The following CERS6 variants were observed in gnomAD, a reference collection of about 807,000 sequenced individuals.
The protein encoded by CERS6 is ceramide synthase 6.
In CERS6, 26 loss-of-function variants were observed where a neutral mutation model predicts 56.8. That is an observed-to-expected ratio of 0.46 (90% confidence interval 0.34 to 0.63). The LOEUF (loss-of-function observed/expected upper bound fraction) is 0.63. CERS6 is among the 30% of genes least tolerant of loss of function. The pLI, the probability that CERS6 is intolerant of heterozygous loss-of-function variation, is 0.01. For missense variants in CERS6, 415 were observed against 467.5 expected (o/e 0.89, Z 1.04); for synonymous variants, 164 against 173.3 (o/e 0.95, Z 0.42).
chr2:168,541,221 G>T (rs553179673), intron 1 of CERS6, among the ~76,000 whole-genome samples: 10 of 152,254 alleles, frequency 6.6e-5, no homozygotes, highest in Non-Finnish European at 1.5e-4. Flanking sequence ...TCCATGACCC[G>T]AACACCTTCC....
At chr2:168,610,337 G>A (rs887990402) in intron 3 of CERS6, among the ~76,000 whole-genome samples, 1 of 152,046 alleles carries the variant, frequency 6.6e-6, no homozygotes, top group Non-Finnish European at 1.5e-5. Flanking sequence ...CCCATCCATC[G>A]GGAAGCAGCT....
intron 1 of CERS6, among the ~76,000 whole-genome samples, chr2:168,496,031 C>G (rs1259877338): frequency 6.6e-6 from 1 of 152,238 alleles, no homozygotes; most frequent in Non-Finnish European, 1.5e-5. Context: ...TTGGTCCCCA[C>G]TGCAACCTTG....
intron 3 of CERS6, among the ~76,000 whole-genome samples, chr2:168,563,894 G>C (rs1558999952): frequency 6.6e-6 from 1 of 152,192 alleles, no homozygotes. Flanking sequence ...GGGTGCACGG[G>C]GGGTTTGCTG....
At chr2:168,538,121 G>C (rs762590249) in intron 1 of CERS6, among the ~76,000 whole-genome samples, 1 of 151,168 alleles carries the variant, frequency 6.6e-6, no homozygotes, top group Non-Finnish European at 1.5e-5. Flanking sequence ...GTCCATCCTT[G>C]TTTTCCCCTT....
chr2:168,575,128 C>T (rs923515629), intron 3 of CERS6, among the ~76,000 whole-genome samples: 1 of 152,182 alleles, frequency 6.6e-6, no homozygotes, highest in Non-Finnish European at 1.5e-5. Flanking sequence ...CACTAACCAG[C>T]CTCCTCAGCC....
At chr2:168,644,276 G>T (rs1685120211) in intron 4 of CERS6, 8 of 974,374 alleles carry the variant, frequency 8.2e-6, no homozygotes, top group Non-Finnish European at 9.8e-6. Flanking sequence ...GGAAGCTTCA[G>T]CTCAGGAAGA....
At chr2:168,618,730 A>T (rs74979973) in intron 3 of CERS6, among the ~76,000 whole-genome samples, 1 of 152,238 alleles carries the variant, frequency 6.6e-6, no homozygotes, top group Non-Finnish European at 1.5e-5. Context: ...TAAATCATAG[A>T]TGACATAAGC....
At chr2:168,753,732 G>T (rs1464070476) in intron 8 of CERS6, among the ~76,000 whole-genome samples, 1 of 152,160 alleles carries the variant, frequency 6.6e-6, no homozygotes, top group African/African-American at 2.4e-5. Context: ...AGATAAAAGT[G>T]AAGACTTAAT....
At chr2:168,742,139 T>C (rs910149617) in intron 8 of CERS6, among the ~76,000 whole-genome samples, 1 of 152,264 alleles carries the variant, frequency 6.6e-6, no homozygotes, top group Non-Finnish European at 1.5e-5. Context: ...TGTTATGTTG[T>C]TCACTTTAAA....
intron 3 of CERS6, among the ~76,000 whole-genome samples, chr2:168,592,208 C>T (rs968903954): frequency 6.6e-6 from 1 of 152,136 alleles, no homozygotes; most frequent in Non-Finnish European, 1.5e-5. Context: ...GATATGTGAG[C>T]TTAGTGGAGG....
intron 1 of CERS6, among the ~76,000 whole-genome samples, chr2:168,504,131 G>A (rs1694634055): frequency 6.6e-6 from 1 of 152,222 alleles, no homozygotes; most frequent in East Asian, 1.9e-4. Context: ...AATCATCAGG[G>A]TGGGCGTGGT....
chr2:168,485,576 T>G (rs1694261858), intron 1 of CERS6, among the ~76,000 whole-genome samples: 1 of 152,210 alleles, frequency 6.6e-6, no homozygotes, highest in Admixed American at 6.5e-5. Context: ...TTTTCCAGAA[T>G]TTCATTTAGT....
At chr2:168,623,983 A>G (rs73969283) in intron 3 of CERS6, among the ~76,000 whole-genome samples, 156 of 152,300 alleles carry the variant, frequency 1.0e-3, no homozygotes, top group Middle Eastern at 3.4e-3. Flanking sequence ...TAGGGACCCT[A>G]CCTAGGCTGT....
At chr2:168,552,913 G>A (rs1253727662) in intron 2 of CERS6, among the ~76,000 whole-genome samples, 1 of 152,106 alleles carries the variant, frequency 6.6e-6, no homozygotes, top group Non-Finnish European at 1.5e-5. Flanking sequence ...GAATAATGAG[G>A]CTAAAGAGGC....
intron 4 of CERS6, among the ~76,000 whole-genome samples, chr2:168,663,633 TTG>T (rs1685686781): frequency 6.6e-6 from 1 of 152,202 alleles, no homozygotes; most frequent in Non-Finnish European, 1.5e-5. Flanking sequence ...CATATACATA[TTG>T]TATCGTTCAC....
At chr2:168,706,635 G>A (rs1207624056) in intron 6 of CERS6, among the ~76,000 whole-genome samples, 3 of 152,182 alleles carry the variant, frequency 2.0e-5, no homozygotes, top group Admixed American at 2.0e-4. Flanking sequence ...TTTCTTTATA[G>A]TTTATCTGAA....
At chr2:168,701,751 A>G (rs1014724839) in intron 6 of CERS6, among the ~76,000 whole-genome samples, 16 of 152,126 alleles carry the variant, frequency 1.1e-4, no homozygotes, top group African/African-American at 3.6e-4. Flanking sequence ...CCCACCTGTA[A>G]TCCCAGCCCT....
At chr2:168,596,571 T>G (rs1683804587) in intron 3 of CERS6, among the ~76,000 whole-genome samples, 1 of 140,418 alleles carries the variant, frequency 7.1e-6, no homozygotes. Context: ...TTTTTTTTTT[T>G]GAGACTGAGT....
At chr2:168,635,509 A>G (rs1234237884) in intron 4 of CERS6, among the ~76,000 whole-genome samples, 1 of 152,112 alleles carries the variant, frequency 6.6e-6, no homozygotes, top group Non-Finnish European at 1.5e-5. Flanking sequence ...AAGAAGCTAA[A>G]CTTGGCAAGG....
Sources: gnomAD v4.1 joint callset for allele counts (sites outside exome capture counted in the v4.1 genomes callset) on GRCh38, gnomAD v4.1.1 for gene constraint, MANE v1.5 for transcripts, NCBI Gene and HGNC (gene_info 2026-07-23, HGNC 2026-07-21) for gene names.